HS6ST3: variants seen among roughly 807,000 people sequenced by gnomAD.
HS6ST3 encodes the protein heparan-sulfate 6-O-sulfotransferase 3.
Under a neutral mutation model 36.7 loss-of-function variants are expected in HS6ST3, and 12 were observed. The observed-to-expected ratio is 0.33, with a 90% CI of 0.21 to 0.53. The LOEUF (loss-of-function observed/expected upper bound fraction) is 0.53. HS6ST3 is among the 20% of genes least tolerant of loss of function. The pLI is 0.95. For synonymous variants in HS6ST3, 240 were observed against 257.5 expected (o/e 0.93, Z 0.65); for missense variants, 584 against 640.9 (o/e 0.91, Z 0.96).
intron 1 of HS6ST3, among the ~76,000 whole-genome samples, chr13:96,323,847 T>C (rs2055016767): frequency 6.6e-6 from 1 of 152,232 alleles, no homozygotes. Context: ...GCAGAATATA[T>C]ACTTCATAAG....
chr13:96,576,603 C>T (rs573193939), intron 1 of HS6ST3, among the ~76,000 whole-genome samples: 5 of 152,102 alleles, frequency 3.3e-5, no homozygotes, highest in Admixed American at 2.0e-4. Context: ...ATATTGGCCA[C>T]GCAAGAATTT....
chr13:96,615,212 T>C (rs2056470037), intron 1 of HS6ST3, among the ~76,000 whole-genome samples: 1 of 152,238 alleles, frequency 6.6e-6, no homozygotes, highest in African/African-American at 2.4e-5. Context: ...ACAAAGACTA[T>C]TGCTTCAAAA....
intron 1 of HS6ST3, among the ~76,000 whole-genome samples, chr13:96,485,963 G>A (rs545638027): frequency 9.9e-5 from 15 of 151,632 alleles, no homozygotes; most frequent in Admixed American, 2.6e-4. Flanking sequence ...TGCTGCACCC[G>A]TTAACTCGTC....
chr13:96,187,197 G>A (rs1300590986), intron 1 of HS6ST3, among the ~76,000 whole-genome samples: 1 of 152,118 alleles, frequency 6.6e-6, no homozygotes, highest in African/African-American at 2.4e-5. Flanking sequence ...AAAACTTTTG[G>A]TACTTGTCTG....
intron 1 of HS6ST3, among the ~76,000 whole-genome samples, chr13:96,513,301 G>A (rs1328864837): frequency 6.6e-6 from 1 of 151,484 alleles, no homozygotes; most frequent in Admixed American, 6.6e-5. Context: ...AAAGATTCCA[G>A]CCTTTATTTT....
chr13:96,229,784 C>T (rs547476808), intron 1 of HS6ST3, among the ~76,000 whole-genome samples: 1 of 152,218 alleles, frequency 6.6e-6, no homozygotes, highest in South Asian at 2.1e-4. Flanking sequence ...GGGGGAGACC[C>T]CCCCCTTTAG....
chr13:96,475,623 A>T (rs1594788396), intron 1 of HS6ST3, among the ~76,000 whole-genome samples: 1 of 151,778 alleles, frequency 6.6e-6, no homozygotes, highest in Non-Finnish European at 1.5e-5. Flanking sequence ...AAAAAAAAAA[A>T]AAAAAAAGAA....
At chr13:96,778,655 A>G (rs1446709816) in intron 1 of HS6ST3, among the ~76,000 whole-genome samples, 1 of 152,236 alleles carries the variant, frequency 6.6e-6, no homozygotes, top group African/African-American at 2.4e-5. Flanking sequence ...GTGATCATTA[A>G]AAAGTCAGGA....
At chr13:96,527,940 C>T (rs1447166155) in intron 1 of HS6ST3, among the ~76,000 whole-genome samples, 1 of 152,106 alleles carries the variant, frequency 6.6e-6, no homozygotes, top group African/African-American at 2.4e-5. Context: ...CATGGTGGAG[C>T]CCTAGTGCCT....
At chr13:96,506,545 A>G (rs1240024723) in intron 1 of HS6ST3, among the ~76,000 whole-genome samples, 1 of 152,078 alleles carries the variant, frequency 6.6e-6, no homozygotes, top group African/African-American at 2.4e-5. Flanking sequence ...GCTATCGCTT[A>G]TTTTCCTATT....
Position 96,832,553 on chromosome 13 carries a change from T to C in HS6ST3, c.771T>C (p.His257=). Residue 257 remains histidine, a synonymous_variant, in exon 2 of 2, where the codon CAT becomes CAC. Coordinates refer to ENST00000376705, the MANE Select transcript of HS6ST3 (RefSeq NM_153456.4). The part of the protein sequence containing the change: ...PVSRYLSEWK[H]VQRGATWKTS... ...CACGTTACCTGAGCGAGTGGAAACA[T>C]GTCCAGAGAGGGGCCACTTGGAAAA... The C allele has an allele frequency of 6.2e-7, 1 of 1,612,086 alleles. No individual in the cohort carries two copies. The highest frequency in any genetic ancestry group is 8.5e-7 in the Non-Finnish European group (1 of 1,179,212).
chr13:96,235,160 G>A, intron 1 of HS6ST3, among the ~76,000 whole-genome samples: 1 of 152,156 alleles, frequency 6.6e-6, no homozygotes, highest in East Asian at 1.9e-4. Flanking sequence ...TTAAGGAAGA[G>A]AAGTAGTTTC....
chr13:96,308,828 A>G (rs2054926393), intron 1 of HS6ST3, among the ~76,000 whole-genome samples: 1 of 152,244 alleles, frequency 6.6e-6, no homozygotes, highest in African/African-American at 2.4e-5. Flanking sequence ...GTCTAGTGGT[A>G]CGCATGATAT....
intron 1 of HS6ST3, among the ~76,000 whole-genome samples, chr13:96,594,509 T>A (rs1306450402): frequency 1.3e-5 from 2 of 152,100 alleles, no homozygotes; most frequent in African/African-American, 4.8e-5. Context: ...ACCATGAGAC[T>A]TAGAAAATAT....
chr13:96,118,122 T>C (rs1307488305), intron 1 of HS6ST3, among the ~76,000 whole-genome samples: 2 of 152,154 alleles, frequency 1.3e-5, no homozygotes, highest in African/African-American at 2.4e-5. Context: ...TCCACCCACA[T>C]TGGCCTCCAA....
intron 1 of HS6ST3, among the ~76,000 whole-genome samples, chr13:96,232,264 G>A (rs183628929): frequency 6.6e-6 from 1 of 152,250 alleles, no homozygotes; most frequent in East Asian, 1.9e-4. Context: ...GTAGGTGTTG[G>A]GATGGATGGC....
intron 1 of HS6ST3, among the ~76,000 whole-genome samples, chr13:96,174,672 C>T (rs1292790021): frequency 6.6e-6 from 1 of 152,058 alleles, no homozygotes; most frequent in African/African-American, 2.4e-5. Flanking sequence ...CTTTTCTAAA[C>T]TATGTTTAAA....
At chr13:96,417,101 G>T (rs1391230413) in intron 1 of HS6ST3, among the ~76,000 whole-genome samples, 1 of 152,174 alleles carries the variant, frequency 6.6e-6, no homozygotes, top group Non-Finnish European at 1.5e-5. Flanking sequence ...TTCTTAGCAA[G>T]GGACATTGGA....
intron 1 of HS6ST3, among the ~76,000 whole-genome samples, chr13:96,285,493 A>G (rs1356448255): frequency 2.0e-5 from 3 of 152,170 alleles, no homozygotes; most frequent in African/African-American, 7.2e-5. Flanking sequence ...GCTGTACAGA[A>G]TAGGGAATTG....
Sources: allele counts gnomAD v4.1 joint callset (sites outside exome capture counted in the v4.1 genomes callset), GRCh38; gene constraint gnomAD v4.1.1; transcripts MANE v1.5; gene names NCBI Gene and HGNC (gene_info 2026-07-23, HGNC 2026-07-21).